The following MYRIP variants were observed in gnomAD, a reference collection of about 807,000 sequenced individuals.
MYRIP encodes the protein rab effector MyRIP.
A neutral mutation model predicts 98.0 loss-of-function variants in MYRIP; 49 were observed. The observed-to-expected ratio is 0.50, with a 90% CI of 0.40 to 0.63. The LOEUF (loss-of-function observed/expected upper bound fraction) is 0.63, where lower values mean the gene tolerates loss of function less well. Among genes scored for constraint, MYRIP ranks in the 30% least tolerant of loss-of-function variants. MYRIP has a pLI of 0.00. For missense variants in MYRIP, 1,004 were observed against 1,058.2 expected (o/e 0.95, Z 0.71); for synonymous variants, 404 against 409.5 (o/e 0.99, Z 0.16).
intron 3 of MYRIP, among the ~76,000 whole-genome samples, chr3:40,075,635 C>G (rs1283601818): frequency 1.3e-5 from 2 of 152,076 alleles, no homozygotes; most frequent in African/African-American, 4.8e-5. Flanking sequence ...AACAGTGCCA[C>G]CACAGAATAA....
At chr3:40,160,301 T>A (rs1950355376) in intron 4 of MYRIP, among the ~76,000 whole-genome samples, 1 of 152,234 alleles carries the variant, frequency 6.6e-6, no homozygotes, top group Non-Finnish European at 1.5e-5. Flanking sequence ...CCAGTTAGGC[T>A]GCTCGGGGAT....
At chr3:39,848,064 G>A (rs67958244) in intron 1 of MYRIP, among the ~76,000 whole-genome samples, 12,317 of 152,222 alleles carry the variant, frequency 0.081, 549 homozygotes, top group African/African-American at 0.12. Context: ...TGCTGGTGGG[G>A]TTAGGAGTGG....
Position 39,853,530 on chromosome 3 carries a change from G to A in MYRIP, c.-31+43614G>A, listed in dbSNP as rs149179601. Among the ~76,000 whole-genome samples the A allele has an allele frequency of 7.3e-3, 1,111 of 152,124 alleles. 23 individuals are homozygous for A. The East Asian group carries it at 0.089, about 12-fold the overall frequency. On this transcript the variant is annotated intron_variant, in intron 1 of 16. Coordinates refer to ENST00000302541, the MANE Select transcript of MYRIP (RefSeq NM_015460.4). ...TTAGTGATGTTGAGCATTTTTTCAT[G>A]TTTGTTGGCCATTTGTGTGTCTTCT...
rs192401261 is a variant in MYRIP at position 39,886,013 on chromosome 3, T to C, written c.-30-14774T>C. On this transcript the variant is annotated intron_variant, in intron 1 of 16. Coordinates refer to ENST00000302541, the MANE Select transcript of MYRIP (RefSeq NM_015460.4). ...CTCTCAGCTCATCAAAGTCATTCTCTGTCCAGCTTTGTTCCATTGCTGGTG... is the reference window on the plus strand; with the variant it reads ...CTCTCAGCTCATCAAAGTCATTCTCCGTCCAGCTTTGTTCCATTGCTGGTG... Among the ~76,000 whole-genome samples the C allele has an allele frequency of 8.5e-3, 1,290 of 152,086 alleles. 25 individuals carry two copies. Among genetic ancestry groups the C allele is most frequent in the African/African-American group, 0.029 (1,216 of 41,366 alleles).
chr3:40,139,612 T>C lies in MYRIP; in HGVS notation c.333-11436T>C, dbSNP rs1290801264. Among the ~76,000 whole-genome samples, 3 of 152,186 alleles carry C rather than the reference T, an allele frequency of 2.0e-5. No homozygotes were observed. In the South Asian group the frequency reaches 6.2e-4, roughly 32 times the overall value. On this transcript the variant is annotated intron_variant, in intron 3 of 16. Coordinates refer to ENST00000302541, the MANE Select transcript of MYRIP (RefSeq NM_015460.4). ...TTTTCCTTTTTGAGACAGGGTCGCC[T>C]TCTGTTGCCCAGGCTGTTGTGCAGT...
intron 3 of MYRIP, among the ~76,000 whole-genome samples, chr3:40,051,203 G>A (rs946328032): frequency 6.6e-5 from 10 of 152,050 alleles, no homozygotes; most frequent in Non-Finnish European, 1.5e-5. Flanking sequence ...ATGAAAGGAA[G>A]ATCATTCAAC....
intron 2 of MYRIP, among the ~76,000 whole-genome samples, chr3:39,929,037 G>GTA (rs1944482595): frequency 6.6e-6 from 1 of 151,896 alleles, no homozygotes; most frequent in African/African-American, 2.4e-5. Flanking sequence ...CTGTGTGTGT[G>GTA]TGTACACTAG....
At chr3:39,949,617 C>A (rs1944965871) in intron 2 of MYRIP, among the ~76,000 whole-genome samples, 2 of 151,100 alleles carry the variant, frequency 1.3e-5, no homozygotes, top group Admixed American at 1.3e-4. Context: ...GTTTCATAAA[C>A]TGTCTTTCCA....
At chr3:39,989,532 A>C (rs1946117298) in intron 2 of MYRIP, among the ~76,000 whole-genome samples, 1 of 152,220 alleles carries the variant, frequency 6.6e-6, no homozygotes, top group Non-Finnish European at 1.5e-5. Context: ...TTAACAAAGC[A>C]CTTTGTCCCT....
At chr3:40,234,310 A>G (rs949299855) in intron 12 of MYRIP, among the ~76,000 whole-genome samples, 3 of 152,210 alleles carry the variant, frequency 2.0e-5, no homozygotes, top group Non-Finnish European at 4.4e-5. Flanking sequence ...AGTAAGGGAA[A>G]GGGAAGAATC....
intron 2 of MYRIP, among the ~76,000 whole-genome samples, chr3:40,020,424 C>T (rs1946965713): frequency 1.3e-5 from 2 of 152,092 alleles, no homozygotes; most frequent in South Asian, 2.1e-4. Flanking sequence ...GAGTTTTGTG[C>T]CTTGGTGTTT....
intron 10 of MYRIP, among the ~76,000 whole-genome samples, chr3:40,193,808 C>G (rs1396036816): frequency 2.0e-5 from 3 of 152,152 alleles, no homozygotes; most frequent in Admixed American, 1.3e-4. Context: ...TGAAATTGAG[C>G]AATTTTTCCT....
rs1258295361 is a variant in MYRIP at position 40,162,717 on chromosome 3, C to G, written c.470-13C>G. 6.2e-7 allele frequency: 1 copy of G among 1,612,732 alleles called. No homozygotes were observed. On this transcript the variant is annotated splice_polypyrimidine_tract_variant and intron_variant, in intron 4 of 16. Coordinates refer to ENST00000302541, the MANE Select transcript of MYRIP (RefSeq NM_015460.4). ...ATCATATTCATTCTCTTCTCCCACCCCTACCCTGCCAGGAGGAAGCCTTTT... is the reference window on the plus strand; with the variant it reads ...ATCATATTCATTCTCTTCTCCCACCGCTACCCTGCCAGGAGGAAGCCTTTT...
intron 2 of MYRIP, among the ~76,000 whole-genome samples, chr3:39,994,618 C>T (rs1946285921): frequency 1.3e-5 from 2 of 152,206 alleles, no homozygotes; most frequent in South Asian, 2.1e-4. Context: ...GGGGGCAGGG[C>T]ATAGCCAAAC....
intron 1 of MYRIP, among the ~76,000 whole-genome samples, chr3:39,886,260 C>T (rs1215910806): frequency 1.3e-5 from 2 of 150,820 alleles, no homozygotes; most frequent in African/African-American, 2.5e-5. Context: ...ACCATCGAGA[C>T]TAGGAAGAAA....
At chr3:40,257,807 A>G (rs1408815018) in intron 16 of MYRIP, among the ~76,000 whole-genome samples, 1 of 152,244 alleles carries the variant, frequency 6.6e-6, no homozygotes, top group Admixed American at 6.5e-5. Flanking sequence ...AATGTGTTAT[A>G]TTATCTTTAT....
chr3:40,182,073 G>A, intron 8 of MYRIP, 147 bp from the exon 9 acceptor site: 1 of 834,254 alleles, frequency 1.2e-6, no homozygotes, highest in Admixed American at 2.9e-5. Flanking sequence ...ATACTGATTT[G>A]CAGCTTTTAA....
chr3:40,079,792 A>G (rs543114638), intron 3 of MYRIP, among the ~76,000 whole-genome samples: 45 of 152,366 alleles, frequency 3.0e-4, no homozygotes, highest in African/African-American at 8.4e-4. Flanking sequence ...CATTGTTCAC[A>G]GCATTGCATG....
chr3:40,123,044 T>C, intron 3 of MYRIP, among the ~76,000 whole-genome samples: 1 of 152,242 alleles, frequency 6.6e-6, no homozygotes. Context: ...AAGTTTATTT[T>C]GTATGAATAC....
Sources: gnomAD v4.1 joint callset for allele counts (sites outside exome capture counted in the v4.1 genomes callset) on GRCh38, gnomAD v4.1.1 for gene constraint, MANE v1.5 for transcripts, NCBI Gene and HGNC (gene_info 2026-07-23, HGNC 2026-07-21) for gene names.